Variants in CYTH3 observed in about 807,000 individuals in gnomAD.
CYTH3 encodes cytohesin-3.
In CYTH3, 23 loss-of-function variants were observed where a neutral mutation model predicts 55.1. The ratio of observed to expected loss-of-function variants is 0.42; its 90% CI spans 0.30 to 0.59. The LOEUF (loss-of-function observed/expected upper bound fraction) is 0.59, where lower values mean the gene tolerates loss of function less well. Ranked by LOEUF, CYTH3 falls within the 20% of genes least tolerant of loss-of-function variation. The probability of loss-of-function intolerance (pLI) is 0.20; values close to 1 mark genes in which losing one functional copy is unlikely to be tolerated. For missense variants in CYTH3, 413 were observed against 524.8 expected, an observed-to-expected ratio of 0.79 and a Z score of 2.08; for synonymous variants, 249 against 194.9, an observed-to-expected ratio of 1.28 and a Z score of -2.31.
At chr7:6,252,421 C>T (rs745914183) in intron 1 of CYTH3, among the ~76,000 whole-genome samples, 1 of 152,124 alleles carries the variant, frequency 6.6e-6, no homozygotes, top group South Asian at 2.1e-4. Flanking sequence ...AATTAAAATG[C>T]CTTCTAGACT....
Position 6,164,868 on chromosome 7 carries a change from C to T in CYTH3, c.*76G>A. 1.3e-6 allele frequency: 2 copies of T among 1,528,390 alleles called. No homozygotes were observed. The highest frequency in any genetic ancestry group is 1.8e-6 in the Non-Finnish European group (2 of 1,103,496). 94.7% of individuals were successfully genotyped at this position (1,528,390 alleles called of 1,614,324 possible). A position where few individuals can be genotyped will look rare whatever the true frequency, so the allele number is the denominator to read the frequency against. On this transcript the variant is annotated 3_prime_UTR_variant, in exon 13 of 13. Coordinates refer to ENST00000350796, the MANE Select transcript of CYTH3 (RefSeq NM_004227.4). ...GCAGGGCGACTGCCTCCCTGCCACG[C>T]CTTCCGCGGAGGGGCCGCCCGCGGT...
chr7:6,233,516 C>T (rs533819314), intron 1 of CYTH3, among the ~76,000 whole-genome samples: 73 of 152,022 alleles, frequency 4.8e-4, no homozygotes, highest in Non-Finnish European at 8.8e-5. Context: ...ATTAGCTGGG[C>T]GTGGTGGTGG....
At chr7:6,190,428 G>GTT (rs377416706) in intron 2 of CYTH3, 21 bp downstream of exon 2, 8,416 of 1,256,130 alleles carry the variant, frequency 6.7e-3, no homozygotes, top group South Asian at 0.017. Context: ...TGGATTTTTG[G>GTT]TTTTTTTTTT....
rs149037362 is a variant in CYTH3, at chr7:6,227,467, C to A, written c.35-36936G>T. On this transcript the variant is annotated intron_variant, in intron 1 of 12. Coordinates refer to ENST00000350796, the MANE Select transcript of CYTH3 (RefSeq NM_004227.4). ...CAGCCCTTCCTGATTTAAAAAAAATCATTAAACTAAGAATAGAAGATGTCT... is the reference window on the plus strand; with the variant it reads ...CAGCCCTTCCTGATTTAAAAAAAATAATTAAACTAAGAATAGAAGATGTCT... Among the ~76,000 whole-genome samples the A allele has an allele frequency of 2.2e-3, 330 of 152,172 alleles. 1 individual carries two copies. The highest frequency in any genetic ancestry group is 7.5e-3 in the African/African-American group (310 of 41,550).
intron 1 of CYTH3, among the ~76,000 whole-genome samples, chr7:6,263,828 G>A (rs1188822531): frequency 6.6e-6 from 1 of 151,638 alleles, no homozygotes; most frequent in South Asian, 2.1e-4. Context: ...GTTCAACACA[G>A]GACAAGATAG....
intron 1 of CYTH3, among the ~76,000 whole-genome samples, chr7:6,271,245 T>C (rs1199312586): frequency 6.6e-6 from 1 of 152,152 alleles, no homozygotes; most frequent in African/African-American, 2.4e-5. Context: ...GGGTGCCAAC[T>C]TCCCACCATC....
chr7:6,253,125 A>G (rs1297372697), intron 1 of CYTH3, among the ~76,000 whole-genome samples: 3 of 152,190 alleles, frequency 2.0e-5, no homozygotes, highest in African/African-American at 7.2e-5. Context: ...GCACTTATCA[A>G]TTCTGCTTAC....
chr7:6,243,967 C>T (rs911707589), intron 1 of CYTH3, among the ~76,000 whole-genome samples: 2 of 152,140 alleles, frequency 1.3e-5, no homozygotes, highest in Non-Finnish European at 2.9e-5. Context: ...CTTGACTGTT[C>T]AAAGTAAGTT....
chr7:6,221,742 T>C (rs1201841096), intron 1 of CYTH3, among the ~76,000 whole-genome samples: 1 of 152,138 alleles, frequency 6.6e-6, no homozygotes, highest in Non-Finnish European at 1.5e-5. Context: ...CTCACGCCTG[T>C]AACCTCAATA....
At chr7:6,238,970 T>C (rs1168033255) in intron 1 of CYTH3, among the ~76,000 whole-genome samples, 3 of 150,954 alleles carry the variant, frequency 2.0e-5, no homozygotes, top group African/African-American at 5.0e-5. Flanking sequence ...TTCCAGCACT[T>C]TGGGAGACCA....
Position 6,182,409 on chromosome 7 carries a change from T to C in CYTH3, c.250-4468A>G, listed in dbSNP as rs963960090. On this transcript the variant is annotated intron_variant, in intron 4 of 12. Coordinates refer to ENST00000350796, the MANE Select transcript of CYTH3 (RefSeq NM_004227.4). ...TGTTGCCCAGGCTAGAGTGCAGTGG[T>C]GTAATCACAGCTCACCGCAGCCTCA... 3.9e-5 allele frequency among the ~76,000 whole-genome samples: 6 copies of C among 152,174 alleles called. No homozygotes were observed. In the South Asian group the frequency reaches 6.2e-4, roughly 16 times the overall value.
chr7:6,214,975 T>G (rs945943273), intron 1 of CYTH3, among the ~76,000 whole-genome samples: 1 of 152,162 alleles, frequency 6.6e-6, no homozygotes, highest in African/African-American at 2.4e-5. Context: ...TTTGGTAAAT[T>G]TTTAAAAAGA....
intron 11 of CYTH3, 46 bp downstream of exon 11, chr7:6,165,499 C>T (rs748491211): frequency 1.7e-5 from 27 of 1,609,912 alleles, no homozygotes; most frequent in Non-Finnish European, 2.1e-5. Flanking sequence ...GTGAGGATGG[C>T]TCCCAGGTGG....
chr7:6,262,565 C>T (rs1199316946), intron 1 of CYTH3, among the ~76,000 whole-genome samples: 3 of 152,232 alleles, frequency 2.0e-5, no homozygotes, highest in African/African-American at 7.2e-5. Context: ...AGTAAAACTA[C>T]CCCTTCAAAA....
intron 1 of CYTH3, among the ~76,000 whole-genome samples, chr7:6,202,408 C>T (rs1784076457): frequency 6.6e-6 from 1 of 152,020 alleles, no homozygotes; most frequent in African/African-American, 2.4e-5. Context: ...AGCACGTGAA[C>T]CGCCAGCCAA....
Position 6,242,105 on chromosome 7 carries a change from C to A in CYTH3, c.34+30369G>T, listed in dbSNP as rs554127754. 1.1e-4 allele frequency among the ~76,000 whole-genome samples: 16 copies of A among 152,096 alleles called. No individual in the cohort carries two copies. In the South Asian group the frequency reaches 3.1e-3, roughly 30 times the overall value. On this transcript the variant is annotated intron_variant, in intron 1 of 12. Transcript: ENST00000350796. ...CTTTGTTTGTTTTTTGAGATGGAGTCTCGCTCTGTCACCCAGGCTGGAGTG... is the reference window on the plus strand; with the variant it reads ...CTTTGTTTGTTTTTTGAGATGGAGTATCGCTCTGTCACCCAGGCTGGAGTG...
intron 5 of CYTH3, among the ~76,000 whole-genome samples, chr7:6,177,293 T>C (rs899834471): frequency 7.9e-5 from 12 of 152,260 alleles, no homozygotes; most frequent in African/African-American, 2.9e-4. Flanking sequence ...AAACACTTTC[T>C]TCTGGTCTTT....
chr7:6,224,120 C>G (rs1457894116), intron 1 of CYTH3, among the ~76,000 whole-genome samples: 3 of 152,024 alleles, frequency 2.0e-5, no homozygotes, highest in Non-Finnish European at 2.9e-5. Flanking sequence ...TGGACTCAAG[C>G]GATCCCCCTG....
chr7:6,248,256 A>G (rs2115044253), intron 1 of CYTH3, among the ~76,000 whole-genome samples: 1 of 151,526 alleles, frequency 6.6e-6, no homozygotes, highest in Admixed American at 6.6e-5. Flanking sequence ...CCAAAAAAAA[A>G]AAAAAGAATA....
Sources: gnomAD v4.1 joint callset for allele counts (sites outside exome capture counted in the v4.1 genomes callset) on GRCh38, gnomAD v4.1.1 for gene constraint, MANE v1.5 for transcripts, NCBI Gene and HGNC (gene_info 2026-07-23, HGNC 2026-07-21) for gene names.